The following CCDC146 variants were observed in gnomAD, a reference collection of about 807,000 sequenced individuals.
CCDC146 encodes the protein coiled-coil domain containing 146.
Under a neutral mutation model 119.3 loss-of-function variants are expected in CCDC146, and 92 were observed. The ratio of observed to expected loss-of-function variants is 0.77; its 90% confidence interval spans 0.65 to 0.92. The LOEUF is 0.92. Among genes scored for constraint, CCDC146 ranks in the 40% least tolerant of loss-of-function variants. The pLI, the probability that CCDC146 is intolerant of heterozygous loss-of-function variation, is 0.00. For missense variants in CCDC146, 1,000 were observed against 1,103.0 expected (o/e 0.91, Z 1.32); for synonymous variants, 372 against 371.8 (o/e 1.00, Z -0.01).
At chr7:77,153,387 G>T (rs2539172) in intron 1 of CCDC146, among the ~76,000 whole-genome samples, 1 of 149,872 alleles carries the variant, frequency 6.7e-6, no homozygotes, top group African/African-American at 2.5e-5. Flanking sequence ...TTTTGGTATC[G>T]CCTTTAAAAA....
chr7:77,287,313 C>G, intron 16 of CCDC146, 127 bp from the exon 17 acceptor site: 1 of 995,880 alleles, frequency 1.0e-6, no homozygotes, highest in Non-Finnish European at 1.5e-6. Context: ...AAAGTCTTAA[C>G]CCAGCTCTAA....
chr7:77,252,750 T>G (rs143309403), intron 4 of CCDC146, among the ~76,000 whole-genome samples: 48 of 152,302 alleles, frequency 3.2e-4, no homozygotes, highest in African/African-American at 1.1e-3. Context: ...GAACAAATCT[T>G]AAAATCTCAG....
Position 77,260,085 on chromosome 7 carries a change from A to C in CCDC146, c.835A>C (p.Lys279Gln). The C allele has an allele frequency of 6.2e-7, 1 of 1,614,030 alleles. No homozygotes were observed. Among genetic ancestry groups the C allele is most frequent in the Non-Finnish European group, 8.5e-7 (1 of 1,180,014 alleles). The change falls in exon 8 of 19, where the codon AAG (lysine) becomes CAG (glutamine). Residue 279 changes from lysine to glutamine, a missense_variant. Lys to Gln is a moderately conservative substitution (Grantham distance 53, BLOSUM62 1). Coordinates refer to ENST00000285871, the MANE Select transcript of CCDC146 (RefSeq NM_020879.3). Reference sequence around the variant, plus strand: ...TGACTCCCTAAAGAAAGTTGAAAACAAGGTTAGTGCTATAGTGGATGAGAA... The same window carrying C: ...TGACTCCCTAAAGAAAGTTGAAAACCAGGTTAGTGCTATAGTGGATGAGAA... ...LNDSLKKVEN[K>Q]VSAIVDEKEN... is the part of the protein sequence containing the mutation.
Position 77,278,435 on chromosome 7 carries a change from A to ATTTTT in CCDC146, c.1441-296_1441-292dup, listed in dbSNP as rs140968354. Among the ~76,000 whole-genome samples, 203 of 103,328 alleles carry ATTTTT rather than the reference A, an allele frequency of 2.0e-3. 6 individuals carry two copies. Among genetic ancestry groups the ATTTTT allele is most frequent in the African/African-American group, 7.0e-3 (164 of 23,414 alleles). 67.8% of individuals were successfully genotyped at this position (103,328 alleles called of 152,430 possible). A position where few individuals can be genotyped will look rare whatever the true frequency, so the allele number is the denominator to read the frequency against. ...GTACAACCCAGCAAGCCAAGAAATA[A>ATTTTT]TTTTTTTTTTTTTTTTTTTTTTTTT... On this transcript the variant is annotated intron_variant, in intron 11 of 18. Transcript: ENST00000285871.
intron 14 of CCDC146, among the ~76,000 whole-genome samples, chr7:77,281,125 A>AAAAG (rs1554362197): frequency 7.0e-6 from 1 of 143,608 alleles, no homozygotes; most frequent in African/African-American, 2.7e-5. Flanking sequence ...AAAAAAAAAA[A>AAAAG]AGAGAGAAAG....
rs546146276 is a variant in CCDC146 at position 77,157,935 on chromosome 7, C to T, written c.-11-9723C>T. Among the ~76,000 whole-genome samples the T allele has an allele frequency of 3.6e-4, 55 of 152,274 alleles. 1 individual carries two copies. In the East Asian group the frequency reaches 0.01, roughly 28 times the overall value. On this transcript the variant is annotated intron_variant, in intron 1 of 18. Coordinates refer to ENST00000285871, the MANE Select transcript of CCDC146 (RefSeq NM_020879.3). ...GCTCACCATGGTACCTATCTCCTAC[C>T]CATAGCACAGTGGCTGGGTCCCAGC...
At position 77,243,184 on chromosome 7, in the gene CCDC146, T is replaced by C. The variant is rs370779399; in HGVS notation, c.449+1284T>C. Among the ~76,000 whole-genome samples the C allele has an allele frequency of 3.4e-3, 525 of 152,282 alleles. 5 individuals carry two copies. The highest frequency in any genetic ancestry group is 5.9e-3 in the African/African-American group (244 of 41,562). On this transcript the variant is annotated intron_variant, in intron 4 of 18. Coordinates refer to ENST00000285871, the MANE Select transcript of CCDC146 (RefSeq NM_020879.3). ...GTTGATATTTAAATTGTTTAAAATT[T>C]CCAACTGTTCCTGCCAAGAGAAAAA...
intron 15 of CCDC146, among the ~76,000 whole-genome samples, chr7:77,286,438 A>G (rs1793849549): frequency 6.6e-6 from 1 of 152,104 alleles, no homozygotes; most frequent in African/African-American, 2.4e-5. Context: ...TTGGAGGGGG[A>G]CACATCGAAA....
At chr7:77,168,892 A>G (rs1294450033) in intron 2 of CCDC146, among the ~76,000 whole-genome samples, 4 of 152,084 alleles carry the variant, frequency 2.6e-5, no homozygotes, top group Non-Finnish European at 4.4e-5. Flanking sequence ...ATGCATCACT[A>G]TATTTCCTAA....
intron 11 of CCDC146, among the ~76,000 whole-genome samples, 194 bp downstream of exon 11, chr7:77,274,846 G>T (rs1324616318): frequency 6.6e-6 from 1 of 152,148 alleles, no homozygotes; most frequent in Non-Finnish European, 1.5e-5. Flanking sequence ...CTTGGACACA[G>T]GAAGGGGAAC....
At chr7:77,231,030 G>T (rs1792617644) in intron 2 of CCDC146, among the ~76,000 whole-genome samples, 1 of 152,178 alleles carries the variant, frequency 6.6e-6, no homozygotes, top group Non-Finnish European at 1.5e-5. Flanking sequence ...CAATCCATAA[G>T]TTTAAATTGC....
In CCDC146 at chr7:77,241,860, G is replaced by C; in HGVS notation, c.409G>C (p.Val137Leu). 6.2e-7 allele frequency: 1 copy of C among 1,613,940 alleles called. No individual in the cohort carries two copies. Among genetic ancestry groups the C allele is most frequent in the Non-Finnish European group, 8.5e-7 (1 of 1,179,892 alleles). Residue 137 changes from valine to leucine, a missense_variant, in exon 4 of 19, where the codon GTG becomes CTG. Around this residue, in one of 2 missense-constraint regions of CCDC146, gnomAD observed 985 missense variants for 1,045.3 expected, o/e 0.94. Transcript: ENST00000285871. ...CAAGTATCAAAATGAATATAATGCA[G>C]TGAAGGAAAGAGAGTTCCATAATCA... ...LLKYQNEYNAVKEREFHNQYR... is the reference protein window; with the variant it reads ...LLKYQNEYNALKEREFHNQYR...
At chr7:77,162,265 T>A (rs954706302) in intron 1 of CCDC146, among the ~76,000 whole-genome samples, 9 of 151,850 alleles carry the variant, frequency 5.9e-5, no homozygotes, top group Non-Finnish European at 1.0e-4. Context: ...CTTCTAGGAG[T>A]TTTATGCTTT....
At chr7:77,131,037 G>T (rs1423114963) in intron 1 of CCDC146, among the ~76,000 whole-genome samples, 1 of 151,676 alleles carries the variant, frequency 6.6e-6, no homozygotes, top group Non-Finnish European at 1.5e-5. Flanking sequence ...GAATACTGGC[G>T]CATGCCACCA....
chr7:77,279,065 T>C lies in CCDC146; in HGVS notation c.1658T>C (p.Leu553Pro), dbSNP rs1223912481. Residue 553 changes from leucine (L) to proline (P), a missense_variant, in exon 13 of 19, where the codon CTT becomes CCT. Around this residue, in one of 2 missense-constraint regions of CCDC146, gnomAD observed 985 missense variants for 1,045.3 expected, o/e 0.94. Coordinates refer to ENST00000285871, the MANE Select transcript of CCDC146 (RefSeq NM_020879.3). ...AGGCATAAAATGTCATTAAATGAAC[T>C]TGAAATTCTGAGAAATAGTGCCGTT... The part of the protein sequence containing the change: ...KERHKMSLNE[L>P]EILRNSAVSQ... 1.2e-6 allele frequency: 2 copies of C among 1,611,076 alleles called. No individual in the cohort carries two copies. Among genetic ancestry groups the C allele is most frequent in the Non-Finnish European group, 1.7e-6 (2 of 1,178,474 alleles).
chr7:77,172,212 G>A (rs1210194901), intron 2 of CCDC146, among the ~76,000 whole-genome samples: 1 of 152,184 alleles, frequency 6.6e-6, no homozygotes, highest in African/African-American at 2.4e-5. Context: ...ATTGGCATCT[G>A]TAAATTTATT....
intron 1 of CCDC146, among the ~76,000 whole-genome samples, chr7:77,143,180 T>C (rs1301851768): frequency 6.6e-6 from 1 of 151,926 alleles, no homozygotes; most frequent in Non-Finnish European, 1.5e-5. Context: ...GAAGAGCATT[T>C]TTTCATGTGT....
intron 2 of CCDC146, among the ~76,000 whole-genome samples, chr7:77,168,951 C>T (rs1584038276): frequency 1.3e-5 from 2 of 152,026 alleles, no homozygotes; most frequent in East Asian, 1.9e-4. Context: ...AGGAAATTAA[C>T]ATTGATATAA....
chr7:77,152,120 C>T (rs1176087053), intron 1 of CCDC146, among the ~76,000 whole-genome samples: 1 of 152,212 alleles, frequency 6.6e-6, no homozygotes, highest in African/African-American at 2.4e-5. Context: ...CAGGTTCCAC[C>T]ATTTCCTCTC....
Sources: gnomAD v4.1 joint callset for allele counts (sites outside exome capture counted in the v4.1 genomes callset) on GRCh38, gnomAD v4.1.1 for gene constraint, gnomAD v4.1.1 regional missense constraint, MANE v1.5 for transcripts, NCBI Gene and HGNC (gene_info 2026-07-23, HGNC 2026-07-21) for gene names.